CNTNAP2: variants seen among roughly 807,000 people sequenced by gnomAD.
CNTNAP2 encodes contactin associated protein 2.
In CNTNAP2, 98 loss-of-function variants were observed where a neutral mutation model predicts 155.2. That is an observed-to-expected ratio of 0.63 (90% CI 0.54 to 0.75). The LOEUF is 0.75. Ranked by LOEUF, CNTNAP2 falls within the 30% of genes least tolerant of loss-of-function variation. The pLI is 0.00. For synonymous variants in CNTNAP2, 651 were observed against 631.2 expected (o/e 1.03, Z -0.47); for missense variants, 1,727 against 1,688.1 (o/e 1.02, Z -0.40).
intron 13 of CNTNAP2, among the ~76,000 whole-genome samples, chr7:147,782,854 A>C (rs1797679702): frequency 6.6e-6 from 1 of 152,208 alleles, no homozygotes; most frequent in Non-Finnish European, 1.5e-5. Context: ...TTTATGTGCT[A>C]ATCATCTGTG....
At chr7:146,858,905 TC>T (rs1357910235) in intron 3 of CNTNAP2, among the ~76,000 whole-genome samples, 9 of 152,194 alleles carry the variant, frequency 5.9e-5, no homozygotes, top group African/African-American at 2.2e-4. Context: ...TAAATGCCTT[TC>T]TTTCATCCTT....
chr7:146,140,349 A>T (rs571820997), intron 1 of CNTNAP2, among the ~76,000 whole-genome samples: 3 of 152,180 alleles, frequency 2.0e-5, no homozygotes, highest in Admixed American at 2.0e-4. Context: ...CTATTCATGC[A>T]CACTGATGCC....
chr7:147,956,915 G>A lies in CNTNAP2; in HGVS notation c.2256-20947G>A, dbSNP rs1431812611. ...CTAAAGAAAGTGATAGGGTTGTCCT[G>A]CAGGTCTGAGGACCCAGGTGATATT... On this transcript the variant is annotated intron_variant, in intron 14 of 23. Transcript: ENST00000361727. 2.6e-5 allele frequency among the ~76,000 whole-genome samples: 4 copies of A among 152,300 alleles called. No homozygotes were observed. The East Asian group carries it at 5.8e-4, about 22-fold the overall frequency.
chr7:146,918,368 G>A (rs1420441111), intron 3 of CNTNAP2, among the ~76,000 whole-genome samples: 1 of 152,012 alleles, frequency 6.6e-6, no homozygotes, highest in Non-Finnish European at 1.5e-5. Context: ...TTCTTATAGT[G>A]CTGGCTTGGT....
At position 147,128,747 on chromosome 7, in the gene CNTNAP2, A is replaced by G; in HGVS notation, c.994A>G (p.Asn332Asp). 1 of 1,614,120 alleles carries G rather than the reference A, an allele frequency of 6.2e-7. No homozygotes were observed. The highest frequency in any genetic ancestry group is 8.5e-7 in the Non-Finnish European group (1 of 1,179,972). ...SGKPSSSSRK[N>D]FKGCMESINY... is the part of the protein sequence containing the mutation. The stretch of plus-strand genomic sequence containing the variant: ...CAAGCCCAGCTCCAGCAGTAGAAAG[A>G]ATTTCAAAGGCTGCATGGAAAGCAT... The change falls in exon 7 of 24, where the codon AAT becomes GAT. Residue 332 changes from asparagine (N) to aspartate (D), a missense_variant. Asn to Asp is a conservative substitution (Grantham distance 23). Coordinates refer to ENST00000361727, the MANE Select transcript of CNTNAP2 (RefSeq NM_014141.6).
At chr7:147,299,958 G>A (rs963270288) in intron 8 of CNTNAP2, among the ~76,000 whole-genome samples, 183 bp from the exon 9 acceptor site, 1 of 152,104 alleles carries the variant, frequency 6.6e-6, no homozygotes, top group South Asian at 2.1e-4. Flanking sequence ...TCAGTTAGGT[G>A]GAGTATAGAA....
chr7:147,568,186 C>CA lies in CNTNAP2; in HGVS notation c.1897+5940dup, dbSNP rs975910576. The stretch of plus-strand genomic sequence containing the variant: ...GTTGATATCTTCACTGCCTTTCCTT[C>CA]AAAAAAAAAAAGGAAAATATTTCCA... On this transcript the variant is annotated intron_variant, in intron 12 of 23. Transcript: ENST00000361727. 1.8e-3 allele frequency among the ~76,000 whole-genome samples: 254 copies of CA among 137,476 alleles called. 2 individuals are homozygous for CA. The highest frequency in any genetic ancestry group is 4.9e-3 in the African/African-American group (185 of 37,404). 90.2% of individuals were successfully genotyped at this position (137,476 alleles called of 152,430 possible).
chr7:148,383,897 TTCAGCAACC>T lies in CNTNAP2; in HGVS notation c.3715+14_3715+22del. 6.2e-7 allele frequency: 1 copy of T among 1,612,350 alleles called. No individual in the cohort carries two copies. The highest frequency in any genetic ancestry group is 8.5e-7 in the Non-Finnish European group (1 of 1,179,458). ...GGATCACCTGGATTCAGGTAAAGTC[TTCAGCAACC>T]TCAGGCAGGTTGCTTCATTTCTTTA... On this transcript the variant is annotated intron_variant, in intron 22 of 23. Transcript: ENST00000361727.
In CNTNAP2 at chr7:148,169,337, C is replaced by T. The variant is rs560457960; in HGVS notation, c.2774-2905C>T. 5.9e-5 allele frequency among the ~76,000 whole-genome samples: 9 copies of T among 152,192 alleles called. No individual in the cohort carries two copies. In the South Asian group the frequency reaches 1.5e-3, roughly 25 times the overall value. ...GTGTGGAGAAGATGAAAATCTCATA[C>T]CCTACTGGTGAATTAGAAGTTGGTA... is the stretch of plus-strand genomic sequence containing the variant. On this transcript the variant is annotated intron_variant, in intron 17 of 23. Coordinates refer to ENST00000361727, the MANE Select transcript of CNTNAP2 (RefSeq NM_014141.6).
chr7:146,676,101 A>G (rs1454666687), intron 1 of CNTNAP2, among the ~76,000 whole-genome samples: 1 of 152,164 alleles, frequency 6.6e-6, no homozygotes, highest in East Asian at 1.9e-4. Flanking sequence ...ATATTCTAAA[A>G]TATCGTTCTG....
At chr7:148,385,735 GGTTTTT>G (rs1302357002) in intron 22 of CNTNAP2, among the ~76,000 whole-genome samples, 8 of 119,818 alleles carry the variant, frequency 6.7e-5, no homozygotes, top group Non-Finnish European at 9.7e-5. Context: ...GAGTGTGACA[GGTTTTT>G]TTTTTTTTTT....
intron 13 of CNTNAP2, among the ~76,000 whole-genome samples, chr7:147,815,408 C>T (rs851662): frequency 0.26 from 39,265 of 151,814 alleles, 6,144 homozygotes; most frequent in African/African-American, 0.44. Context: ...ATTCCTATTT[C>T]CTTGCTGGCT....
At chr7:148,041,293 A>G (rs1433175788) in intron 15 of CNTNAP2, among the ~76,000 whole-genome samples, 2 of 152,232 alleles carry the variant, frequency 1.3e-5, no homozygotes, top group Non-Finnish European at 2.9e-5. Context: ...GAAATAGCTG[A>G]TGCAGTGTGA....
intron 4 of CNTNAP2, among the ~76,000 whole-genome samples, chr7:147,051,629 A>G (rs1322570354): frequency 6.6e-6 from 1 of 152,158 alleles, no homozygotes; most frequent in Non-Finnish European, 1.5e-5. Context: ...CAGAGGTAAG[A>G]ACATAATTTA....
chr7:148,108,274 T>A (rs779528176), intron 15 of CNTNAP2, among the ~76,000 whole-genome samples: 75 of 152,226 alleles, frequency 4.9e-4, no homozygotes, highest in Admixed American at 9.2e-4. Flanking sequence ...AGATTTTTAC[T>A]TAATGGCTAC....
At chr7:146,716,233 G>C (rs1253329147) in intron 1 of CNTNAP2, among the ~76,000 whole-genome samples, 4 of 136,770 alleles carry the variant, frequency 2.9e-5, no homozygotes, top group Non-Finnish European at 4.6e-5. Flanking sequence ...AAAAAAAAAA[G>C]GCATGTTTTG....
chr7:147,949,695 C>T (rs1324873765), intron 14 of CNTNAP2, among the ~76,000 whole-genome samples: 1 of 152,058 alleles, frequency 6.6e-6, no homozygotes, highest in Non-Finnish European at 1.5e-5. Context: ...AGGTTTCGTA[C>T]CACTCTGCTG....
Position 147,919,459 on chromosome 7 carries a change from C to CTTTCTTTTTTTTTTTTTTTTTTTTTTTTT in CNTNAP2, c.2255+15741_2255+15742insCTTTTTTTTTTTTTTTTTTTTTTTTTTTT, listed in dbSNP as rs58537091. Among the ~76,000 whole-genome samples the CTTTCTTTTTTTTTTTTTTTTTTTTTTTTT allele has an allele frequency of 6.4e-3, 327 of 51,158 alleles. 94 individuals are homozygous for CTTTCTTTTTTTTTTTTTTTTTTTTTTTTT. The highest frequency in any genetic ancestry group is 8.8e-3 in the East Asian group (11 of 1,250). The allele number at this position is 51,158 out of a possible 152,430, so 33.6% of individuals were successfully genotyped here. A position where few individuals can be genotyped will look rare whatever the true frequency, so the allele number is the denominator to read the frequency against. ...CACCATGTCTGGCTACTTTTTCTTT[C>CTTTCTTTTTTTTTTTTTTTTTTTTTTTTT]TTTTTTTTTTTTTTTTTGAGACAGA... is the stretch of plus-strand genomic sequence containing the variant. On this transcript the variant is annotated intron_variant, in intron 14 of 23. Coordinates refer to ENST00000361727, the MANE Select transcript of CNTNAP2 (RefSeq NM_014141.6).
At chr7:147,085,402 C>T (rs1379355149) in intron 4 of CNTNAP2, among the ~76,000 whole-genome samples, 1 of 152,100 alleles carries the variant, frequency 6.6e-6, no homozygotes, top group Admixed American at 6.6e-5. Context: ...GCATTAGATT[C>T]TCATAGGAGC....
Sources: gnomAD v4.1 joint callset for allele counts (sites outside exome capture counted in the v4.1 genomes callset) on GRCh38, gnomAD v4.1.1 for gene constraint, MANE v1.5 for transcripts, NCBI Gene and HGNC (gene_info 2026-07-23, HGNC 2026-07-21) for gene names.